SH3GLB2: variants seen among roughly 807,000 people sequenced by gnomAD.
SH3GLB2 encodes the protein endophilin-B2.
A neutral mutation model predicts 48.0 loss-of-function variants in SH3GLB2; 24 were observed. That is an observed-to-expected ratio of 0.50 (90% CI 0.36 to 0.70). The LOEUF (loss-of-function observed/expected upper bound fraction) is 0.70. Among genes scored for constraint, SH3GLB2 ranks in the 30% least tolerant of loss-of-function variants. SH3GLB2 has a pLI of 0.00. For synonymous variants in SH3GLB2, 227 were observed against 207.6 expected (o/e 1.09, Z -0.80); for missense variants, 425 against 516.0 (o/e 0.82, Z 1.71).
chr9:129,010,108 A>G lies in SH3GLB2; in HGVS notation c.738+12T>C, dbSNP rs2131228033. The G allele has an allele frequency of 6.2e-7, 1 of 1,610,728 alleles. No homozygotes were observed. The highest frequency in any genetic ancestry group is 1.1e-5 in the South Asian group (1 of 90,996). On this transcript the variant is annotated intron_variant, in intron 8 of 10. Transcript: ENST00000372564. Reference sequence around the variant, plus strand: ...AGGGTTAGGTTTAGTGAGGGTGGGCAGTGGGACTCACGTGAGTGCTACTGA... The same window carrying G: ...AGGGTTAGGTTTAGTGAGGGTGGGCGGTGGGACTCACGTGAGTGCTACTGA...
chr9:129,021,195 T>A lies in SH3GLB2; in HGVS notation c.230A>T (p.Tyr77Phe), dbSNP rs567289801. Residue 77 changes from tyrosine (Y) to phenylalanine (F), a missense_variant, in exon 3 of 11, where the codon TAT becomes TTT. Transcript: ENST00000372564. The part of the protein sequence containing the change: ...NPSARVEEFL[Y>F]EKLDRKVPSR... ...GGGGACCTTCCTGTCCAGCTTCTCA[T>A]ACAGGAACTCCTCCACTCGGGCACC... 1.2e-6 allele frequency: 2 copies of A among 1,610,664 alleles called. No individual in the cohort carries two copies. Among genetic ancestry groups the A allele is most frequent in the South Asian group, 2.2e-5 (2 of 90,712 alleles).
chr9:129,008,896 TGCTACACCTTCAGTGGCTG>T (rs1842918496), intron 10 of SH3GLB2, 105 bp from the exon 11 acceptor site: 1 of 1,288,836 alleles, frequency 7.8e-7, no homozygotes, highest in Non-Finnish European at 1.1e-6. Context: ...CCGTGGCATG[TGCTACACCTTCAGTGGCTG>T]GCGCTCATCT....
Position 129,014,592 on chromosome 9 carries a change from C to A in SH3GLB2, c.469-89G>T. 2 of 1,502,666 alleles carry A rather than the reference C, an allele frequency of 1.3e-6. No homozygotes were observed. The highest frequency in any genetic ancestry group is 2.8e-5 in the African/African-American group (2 of 72,148). The allele number at this position is 1,502,666 out of a possible 1,614,324, so 93.1% of individuals were successfully genotyped here. The stretch of plus-strand genomic sequence containing the variant: ...TGGCAAGATTGGTGCCGGGGACGAT[C>A]AAGTCAAGATAGGGAAACTGAGGCC... On this transcript the variant is annotated intron_variant, in intron 4 of 10. Transcript: ENST00000372564. The surrounding 1 kb of genome is among the most constrained non-coding windows in gnomAD (Gnocchi z 4.1).
intron 1 of SH3GLB2, among the ~76,000 whole-genome samples, chr9:129,024,624 G>C (rs535116193): frequency 6.6e-6 from 1 of 151,856 alleles, no homozygotes; most frequent in Non-Finnish European, 1.5e-5. Flanking sequence ...TCAAGGGGCT[G>C]AGGTGGGAGC....
chr9:129,015,517 C>T (rs1265497754), intron 3 of SH3GLB2, among the ~76,000 whole-genome samples: 2 of 152,074 alleles, frequency 1.3e-5, no homozygotes, highest in African/African-American at 4.8e-5. Flanking sequence ...GGGCAGACTG[C>T]TTGAACCCAG....
Position 129,007,791 on chromosome 9 carries a change from A to G in SH3GLB2, c.*893T>C, listed in dbSNP as rs1430969025. ...TTCTACAGTCCGCTCCACAATCCAA[A>G]TTTAGGAAACTTTTTCTTAGGAATA... is the stretch of plus-strand genomic sequence containing the variant. On this transcript the variant is annotated 3_prime_UTR_variant, in exon 11 of 11. Coordinates refer to ENST00000372564, the MANE Select transcript of SH3GLB2 (RefSeq NM_020145.4). The G allele has an allele frequency of 3.3e-5, 5 of 152,294 alleles. No homozygotes were observed. The highest frequency in any genetic ancestry group is 3.4e-3 in the Middle Eastern group (1 of 294). The allele number at this position is 152,294 out of a possible 1,614,324, so 9.4% of individuals were successfully genotyped here.
intron 2 of SH3GLB2, 101 bp from the exon 3 acceptor site, chr9:129,021,320 G>A (rs1843781254): frequency 2.2e-6 from 3 of 1,385,320 alleles, no homozygotes; most frequent in Non-Finnish European, 2.9e-6. Flanking sequence ...GGTGCACCTG[G>A]CCTGCTGACT....
At chr9:129,012,662 A>C in intron 5 of SH3GLB2, 1 of 471,772 alleles carries the variant, frequency 2.1e-6, no homozygotes, top group South Asian at 4.1e-5. Context: ...AGGGTCCCGC[A>C]AACACAGCCC....
At position 129,010,213 on chromosome 9, in the gene SH3GLB2, G is replaced by A. The variant is rs1843035644; in HGVS notation, c.649-4C>T. On this transcript the variant is annotated splice_polypyrimidine_tract_variant and splice_region_variant and intron_variant, in intron 7 of 10. Transcript: ENST00000372564. ...CCACGCGGAGCTCCTGCTCGGCCTG[G>A]GCAGGGCAGGGCAGCCATGAGCACC... The A allele has an allele frequency of 6.2e-7, 1 of 1,612,654 alleles. No individual in the cohort carries two copies. Among genetic ancestry groups the A allele is most frequent in the Admixed American group, 1.7e-5 (1 of 59,962 alleles).
chr9:129,015,349 T>G (rs540211128), intron 3 of SH3GLB2, among the ~76,000 whole-genome samples: 4 of 151,834 alleles, frequency 2.6e-5, no homozygotes, highest in Non-Finnish European at 4.4e-5. Flanking sequence ...TAAAACAAAT[T>G]GAAAGAAAAC....
chr9:129,009,194 G>C lies in SH3GLB2; in HGVS notation c.992C>G (p.Ala331Gly), dbSNP rs1353860223. Residue 331 changes from alanine to glycine, a missense_variant, in exon 10 of 11, where the codon GCC (alanine) becomes GGC (glycine). By Grantham distance (60) the Ala-to-Gly change is moderately conservative. Transcript: ENST00000372564. ...GEASLCLEEVAPPASGTRKAR... is the reference protein window; with the variant it reads ...GEASLCLEEVGPPASGTRKAR... The stretch of plus-strand genomic sequence containing the variant: ...TTTGCGGGTCCCACTGGCAGGGGGG[G>C]CCACCTCTTCCAGGCAGAGCGAGGC... 1.2e-6 allele frequency: 2 copies of C among 1,610,670 alleles called. No individual in the cohort carries two copies. Among genetic ancestry groups the C allele is most frequent in the Admixed American group, 3.3e-5 (2 of 59,784 alleles).
chr9:129,023,434 G>A (rs1214978774), intron 1 of SH3GLB2, among the ~76,000 whole-genome samples: 3 of 152,178 alleles, frequency 2.0e-5, no homozygotes, highest in African/African-American at 4.8e-5. Context: ...GCCTTCTCTA[G>A]CTAAGAGAAA....
At chr9:129,026,212 T>C (rs1305609205) in intron 1 of SH3GLB2, among the ~76,000 whole-genome samples, 1 of 152,208 alleles carries the variant, frequency 6.6e-6, no homozygotes, top group Non-Finnish European at 1.5e-5. Flanking sequence ...TGTTCCTTGC[T>C]GGATCGGGGA....
intron 3 of SH3GLB2, among the ~76,000 whole-genome samples, chr9:129,016,927 A>G (rs1043975049): frequency 6.6e-6 from 1 of 150,590 alleles, no homozygotes; most frequent in African/African-American, 2.4e-5. Context: ...CAACAGTAAT[A>G]GTTGGAAACT....
rs558826513 is a variant in SH3GLB2, at chr9:129,014,231, C to T, written c.561+180G>A. Among the ~76,000 whole-genome samples the T allele has an allele frequency of 1.9e-4, 29 of 152,248 alleles. No homozygotes were observed. Among genetic ancestry groups the T allele is most frequent in the African/African-American group, 6.3e-4 (26 of 41,554 alleles). On this transcript the variant is annotated intron_variant, in intron 5 of 10. Coordinates refer to ENST00000372564, the MANE Select transcript of SH3GLB2 (RefSeq NM_020145.4). This position sits in a 1 kb window ranked among gnomAD's most constrained non-coding sequence, Gnocchi z 4.1. ...CTCCCTGGGAACCAGAGCTCGGGGGCCACCAAGGCTCCCTTGAGGGCAGGG... is the reference window on the plus strand; with the variant it reads ...CTCCCTGGGAACCAGAGCTCGGGGGTCACCAAGGCTCCCTTGAGGGCAGGG...
At chr9:129,012,497 C>T in intron 5 of SH3GLB2, 199 bp from the exon 6 acceptor site, 2 of 418,216 alleles carry the variant, frequency 4.8e-6, no homozygotes, top group Non-Finnish European at 8.4e-6. Context: ...CTTGGAGAGT[C>T]CAGACAAAGA....
intron 5 of SH3GLB2, chr9:129,013,389 C>T (rs1843235691): frequency 3.3e-6 from 1 of 300,860 alleles, no homozygotes; most frequent in Non-Finnish European, 6.4e-6. Flanking sequence ...TGTGTTCTGG[C>T]TGAGTTACTC....
intron 3 of SH3GLB2, among the ~76,000 whole-genome samples, chr9:129,015,552 A>G (rs1337263315): frequency 6.6e-6 from 1 of 152,086 alleles, no homozygotes; most frequent in Non-Finnish European, 1.5e-5. Flanking sequence ...CCCGGGCAAC[A>G]TGGCAAAACC....
chr9:129,009,438 G>T, intron 9 of SH3GLB2, 92 bp from the exon 10 acceptor site: 1 of 1,549,992 alleles, frequency 6.5e-7, no homozygotes, highest in Non-Finnish European at 8.7e-7. Context: ...CCCCACTCCA[G>T]CCCCGGCTAC....
Sources: allele counts gnomAD v4.1 joint callset (sites outside exome capture counted in the v4.1 genomes callset), GRCh38; gene constraint gnomAD v4.1.1; non-coding constraint Gnocchi (gnomAD v3.1); transcripts MANE v1.5; gene names NCBI Gene and HGNC (gene_info 2026-07-23, HGNC 2026-07-21).